The following PRKN variants were observed in gnomAD, a reference collection of about 807,000 sequenced individuals.
The protein encoded by PRKN is E3 ubiquitin-protein ligase parkin.
In PRKN, 56 loss-of-function variants were observed where a neutral mutation model predicts 59.5. The ratio of observed to expected loss-of-function variants is 0.94; its 90% CI spans 0.76 to 1.18. The LOEUF is 1.18. Among genes scored for constraint, PRKN ranks in the 50% most tolerant of loss-of-function variants. The pLI, the probability that PRKN is intolerant of heterozygous loss-of-function variation, is 0.00. For synonymous variants in PRKN, 250 were observed against 222.1 expected (o/e 1.13, Z -1.12); for missense variants, 657 against 596.4 (o/e 1.10, Z -1.06).
At chr6:161,690,452 G>C (rs1195155948) in intron 7 of PRKN, among the ~76,000 whole-genome samples, 2 of 152,202 alleles carry the variant, frequency 1.3e-5, no homozygotes, top group African/African-American at 2.4e-5. Context: ...GGAATGGCTT[G>C]GACTTAAAGA....
At chr6:161,939,494 G>A (rs1277245672) in intron 6 of PRKN, among the ~76,000 whole-genome samples, 2 of 151,320 alleles carry the variant, frequency 1.3e-5, no homozygotes, top group African/African-American at 4.9e-5. Context: ...CACTTTGGGA[G>A]GCCGAGGCAG....
chr6:162,118,618 A>G (rs9456745), intron 4 of PRKN, among the ~76,000 whole-genome samples: 34,721 of 152,136 alleles, frequency 0.23, 4,975 homozygotes, highest in Non-Finnish European at 0.31. Context: ...TGAAATGCCC[A>G]ATGATGAGTT....
intron 7 of PRKN, among the ~76,000 whole-genome samples, chr6:161,665,061 C>A (rs932004215): frequency 6.6e-6 from 1 of 152,132 alleles, no homozygotes; most frequent in African/African-American, 2.4e-5. Flanking sequence ...GTTGGGATTA[C>A]AGGCGTAAGC....
intron 7 of PRKN, among the ~76,000 whole-genome samples, chr6:161,745,709 G>A (rs1265765282): frequency 4.6e-5 from 7 of 152,294 alleles, no homozygotes; most frequent in Non-Finnish European, 8.8e-5. Flanking sequence ...AGGAGACCCT[G>A]GGAAGGCAGA....
chr6:162,078,260 T>C (rs116588054), intron 4 of PRKN, among the ~76,000 whole-genome samples: 1 of 152,156 alleles, frequency 6.6e-6, no homozygotes, highest in Non-Finnish European at 1.5e-5. Flanking sequence ...AGTGCATGGA[T>C]ACACTTGTTC....
chr6:161,814,670 T>C (rs960697613), intron 6 of PRKN, among the ~76,000 whole-genome samples: 1 of 152,018 alleles, frequency 6.6e-6, no homozygotes, highest in East Asian at 1.9e-4. Flanking sequence ...GCCCAGCTAA[T>C]TTTGTATTTT....
At chr6:162,106,722 G>T (rs1368431076) in intron 4 of PRKN, among the ~76,000 whole-genome samples, 1 of 152,150 alleles carries the variant, frequency 6.6e-6, no homozygotes, top group Non-Finnish European at 1.5e-5. Context: ...TCGAAATAGA[G>T]CTCCATGCCT....
intron 2 of PRKN, among the ~76,000 whole-genome samples, chr6:162,339,417 GC>G (rs1383352091): frequency 6.9e-6 from 1 of 145,586 alleles, no homozygotes; most frequent in Non-Finnish European, 1.5e-5. Context: ...CCGGCCAGCC[GC>G]CCCGTCCGGG....
chr6:162,250,797 T>C (rs1465080746), intron 3 of PRKN, among the ~76,000 whole-genome samples: 1 of 152,202 alleles, frequency 6.6e-6, no homozygotes, highest in Non-Finnish European at 1.5e-5. Flanking sequence ...ATAGAATTCT[T>C]ACAGGAAAAG....
intron 2 of PRKN, among the ~76,000 whole-genome samples, chr6:162,442,084 A>T (rs1482325863): frequency 6.6e-6 from 1 of 152,228 alleles, no homozygotes; most frequent in African/African-American, 2.4e-5. Flanking sequence ...AGCAGAGGCC[A>T]GCAGTTTGTG....
chr6:161,367,891 T>C (rs182838136), intron 10 of PRKN, among the ~76,000 whole-genome samples: 140 of 152,296 alleles, frequency 9.2e-4, no homozygotes, highest in Non-Finnish European at 1.8e-3. Context: ...TCATTAACTA[T>C]TTCAGCTGGA....
At chr6:161,807,067 G>C (rs947550018) in intron 6 of PRKN, among the ~76,000 whole-genome samples, 15 of 152,090 alleles carry the variant, frequency 9.9e-5, no homozygotes, top group African/African-American at 3.6e-4. Flanking sequence ...TAGTCTAAAG[G>C]TACTAAAAAT....
At chr6:162,701,883 ACACCC>A (rs1778169223) in intron 1 of PRKN, among the ~76,000 whole-genome samples, 1 of 144,544 alleles carries the variant, frequency 6.9e-6, no homozygotes, top group Non-Finnish European at 1.5e-5. Context: ...ACACACACAC[ACACCC>A]CCCCGACAAA....
In PRKN at chr6:161,349,857, A is replaced by G; in HGVS notation, c.*242T>C. 3.5e-6 allele frequency: 2 copies of G among 577,440 alleles called. No homozygotes were observed. The highest frequency in any genetic ancestry group is 6.3e-6 in the Non-Finnish European group (2 of 317,386). The allele number at this position is 577,440 out of a possible 1,614,324, so 35.8% of individuals were successfully genotyped here. A position where few individuals can be genotyped will look rare whatever the true frequency, so the allele number is the denominator to read the frequency against. On this transcript the variant is annotated 3_prime_UTR_variant, in exon 12 of 12. Transcript: ENST00000366898. The surrounding 1 kb of genome is among the most constrained non-coding windows in gnomAD (Gnocchi z 5.5). ...GATGGCTCTGCTGTCTTGTGTGGAC[A>G]AACTGAAAGGGATTCAGGAGCTTCT...
At chr6:161,573,763 T>A (rs1439441874) in intron 7 of PRKN, among the ~76,000 whole-genome samples, 11 of 49,806 alleles carry the variant, frequency 2.2e-4, no homozygotes, top group African/African-American at 1.5e-3. Context: ...AAAATATATA[T>A]ATATATATAT....
chr6:161,964,744 T>C (rs985906203), intron 6 of PRKN, among the ~76,000 whole-genome samples: 1 of 152,028 alleles, frequency 6.6e-6, no homozygotes, highest in African/African-American at 2.4e-5. Context: ...ATGTTAAAGA[T>C]TCCAGTTTAA....
At chr6:161,933,661 A>C (rs1779248682) in intron 6 of PRKN, among the ~76,000 whole-genome samples, 1 of 152,098 alleles carries the variant, frequency 6.6e-6, no homozygotes, top group African/African-American at 2.4e-5. Context: ...AATGAAGCTC[A>C]CAGTTCCCCT....
At chr6:161,737,942 G>T (rs1426521865) in intron 7 of PRKN, among the ~76,000 whole-genome samples, 2 of 152,088 alleles carry the variant, frequency 1.3e-5, no homozygotes, top group South Asian at 4.2e-4. Context: ...ATTACCATTT[G>T]GAAAGATTCT....
chr6:161,801,615 G>T (rs547632178), intron 6 of PRKN, among the ~76,000 whole-genome samples: 1 of 152,300 alleles, frequency 6.6e-6, no homozygotes, highest in Admixed American at 6.5e-5. Context: ...ACGACTTTCA[G>T]CCACTTTTAC....
Sources: allele counts gnomAD v4.1 joint callset (sites outside exome capture counted in the v4.1 genomes callset), GRCh38; gene constraint gnomAD v4.1.1; non-coding constraint Gnocchi (gnomAD v3.1); transcripts MANE v1.5; gene names NCBI Gene and HGNC (gene_info 2026-07-23, HGNC 2026-07-21).